SPOCK3: variants seen among roughly 807,000 people sequenced by gnomAD.
SPOCK3 encodes the protein SPARC (osteonectin), cwcv and kazal like domains proteoglycan 3.
A neutral mutation model predicts 56.6 loss-of-function variants in SPOCK3; 30 were observed. The observed-to-expected ratio is 0.53, with a 90% CI of 0.40 to 0.72. The LOEUF is 0.72. Ranked by LOEUF, SPOCK3 falls within the 30% of genes least tolerant of loss-of-function variation. The pLI is 0.00. For synonymous variants in SPOCK3, 196 were observed against 183.3 expected (o/e 1.07, Z -0.56); for missense variants, 527 against 530.0 (o/e 0.99, Z 0.06).
At chr4:166,998,881 C>T (rs1748666261) in intron 4 of SPOCK3, among the ~76,000 whole-genome samples, 1 of 152,066 alleles carries the variant, frequency 6.6e-6, no homozygotes, top group Non-Finnish European at 1.5e-5. Flanking sequence ...CCCCTATATA[C>T]ACACATTCAC....
chr4:166,989,844 A>C (rs1195459730), intron 4 of SPOCK3, among the ~76,000 whole-genome samples: 2 of 152,294 alleles, frequency 1.3e-5, no homozygotes, highest in African/African-American at 4.8e-5. Flanking sequence ...ATAATAGGCC[A>C]ATGAGGCTAT....
intron 3 of SPOCK3, among the ~76,000 whole-genome samples, chr4:167,044,499 C>A (rs982346802): frequency 5.3e-5 from 8 of 151,874 alleles, no homozygotes; most frequent in Non-Finnish European, 8.8e-5. Flanking sequence ...TTACTAAGAG[C>A]CTGTAAGACT....
chr4:167,188,842 T>C (rs1301431679), intron 2 of SPOCK3, among the ~76,000 whole-genome samples: 4 of 146,076 alleles, frequency 2.7e-5, no homozygotes, highest in African/African-American at 1.0e-4. Flanking sequence ...AATGCAACAG[T>C]TTAAATGAAA....
intron 2 of SPOCK3, among the ~76,000 whole-genome samples, chr4:167,208,564 C>A (rs1348488532): frequency 1.3e-5 from 2 of 152,072 alleles, no homozygotes; most frequent in Non-Finnish European, 2.9e-5. Context: ...ATCTTCAATT[C>A]TCATTCTAAT....
intron 6 of SPOCK3, among the ~76,000 whole-genome samples, chr4:166,818,061 T>A (rs1167605393): frequency 6.6e-6 from 1 of 152,098 alleles, no homozygotes; most frequent in Non-Finnish European, 1.5e-5. Flanking sequence ...TACACACTTA[T>A]CACTTTTGTC....
rs1757884034 is a variant in SPOCK3 at position 167,083,248 on chromosome 4, T to C, written c.190-20711A>G. On this transcript the variant is annotated intron_variant, in intron 2 of 10. Transcript: ENST00000357545. Reference sequence around the variant, plus strand: ...CAACCCAAAGCAAACCTCTACTTCCTCAGACTTTCCCTAAGATTCCTCCAA... The same window carrying C: ...CAACCCAAAGCAAACCTCTACTTCCCCAGACTTTCCCTAAGATTCCTCCAA... 7.8e-6 allele frequency: 6 copies of C among 765,254 alleles called. No homozygotes were observed. In the South Asian group the frequency reaches 8.0e-5, roughly 10 times the overall value. The allele number at this position is 765,254 out of a possible 1,614,324, so 47.4% of individuals were successfully genotyped here. A position where few individuals can be genotyped will look rare whatever the true frequency, so the allele number is the denominator to read the frequency against.
At chr4:166,974,914 T>A (rs1745778165) in intron 4 of SPOCK3, among the ~76,000 whole-genome samples, 1 of 152,208 alleles carries the variant, frequency 6.6e-6, no homozygotes, top group Admixed American at 6.5e-5. Flanking sequence ...TTTTCAGAAG[T>A]GATTAGGTCA....
At position 166,742,111 on chromosome 4, in the gene SPOCK3, G is replaced by T. The variant is rs1007162779; in HGVS notation, c.932-52C>A. ...CAAGGATTCTAGTTAAACAAAGAAA[G>T]TGTAATTTCTATGTTATCAAACTTC... On this transcript the variant is annotated intron_variant, in intron 8 of 10. Transcript: ENST00000357545. 7 of 1,314,962 alleles carry T rather than the reference G, an allele frequency of 5.3e-6. No homozygotes were observed. The African/African-American group carries it at 8.8e-5, about 16-fold the overall frequency. The allele number at this position is 1,314,962 out of a possible 1,614,324, so 81.5% of individuals were successfully genotyped here. A position where few individuals can be genotyped will look rare whatever the true frequency, so the allele number is the denominator to read the frequency against.
intron 2 of SPOCK3, among the ~76,000 whole-genome samples, chr4:167,117,198 T>C (rs569783008): frequency 3.9e-5 from 6 of 152,014 alleles, no homozygotes; most frequent in African/African-American, 1.4e-4. Context: ...CCCATAAATA[T>C]GTGAAACTAT....
At chr4:166,778,607 C>A (rs1027818329) in intron 7 of SPOCK3, among the ~76,000 whole-genome samples, 2 of 152,102 alleles carry the variant, frequency 1.3e-5, no homozygotes, top group African/African-American at 4.8e-5. Context: ...ACAGGTAAGA[C>A]AAAATTCCTC....
intron 2 of SPOCK3, among the ~76,000 whole-genome samples, chr4:167,109,232 ATATT>A (rs1343505557): frequency 2.3e-5 from 2 of 88,590 alleles, no homozygotes; most frequent in Non-Finnish European, 3.9e-5. Context: ...TATATAATAT[ATATT>A]TAATATTTAT....
At chr4:166,790,888 G>C (rs552298651) in intron 7 of SPOCK3, among the ~76,000 whole-genome samples, 1 of 152,130 alleles carries the variant, frequency 6.6e-6, no homozygotes, top group South Asian at 2.1e-4. Flanking sequence ...AATATGTAAG[G>C]GTATGGAAGA....
At chr4:167,153,735 A>C (rs1234817599) in intron 2 of SPOCK3, among the ~76,000 whole-genome samples, 1 of 152,208 alleles carries the variant, frequency 6.6e-6, no homozygotes. Flanking sequence ...AACACAGTGA[A>C]TACTGCACTA....
chr4:166,879,055 C>T (rs561863182), intron 6 of SPOCK3, among the ~76,000 whole-genome samples: 2 of 151,958 alleles, frequency 1.3e-5, no homozygotes, highest in South Asian at 4.2e-4. Flanking sequence ...AGAATCTTAA[C>T]CAAAATTTAG....
chr4:166,952,447 T>C (rs895058295), intron 4 of SPOCK3, among the ~76,000 whole-genome samples: 1 of 152,152 alleles, frequency 6.6e-6, no homozygotes, highest in African/African-American at 2.4e-5. Flanking sequence ...TACAAACGAA[T>C]GGAAGAACAT....
chr4:166,878,306 C>A (rs1579512692), intron 6 of SPOCK3, among the ~76,000 whole-genome samples: 1 of 151,958 alleles, frequency 6.6e-6, no homozygotes, highest in African/African-American at 2.4e-5. Context: ...AAGTTATAAA[C>A]AACACTTCTA....
At chr4:166,912,951 G>A (rs556189273) in intron 4 of SPOCK3, among the ~76,000 whole-genome samples, 29 of 152,020 alleles carry the variant, frequency 1.9e-4, no homozygotes, top group Non-Finnish European at 2.6e-4. Flanking sequence ...TGATAAAAAA[G>A]AATATGTTCC....
chr4:167,126,690 C>T (rs748046364), intron 2 of SPOCK3, among the ~76,000 whole-genome samples: 3 of 152,030 alleles, frequency 2.0e-5, no homozygotes, highest in Non-Finnish European at 4.4e-5. Context: ...CTGAGCTCAC[C>T]TAAGTGTGCC....
intron 6 of SPOCK3, among the ~76,000 whole-genome samples, chr4:166,847,995 C>G (rs1443228555): frequency 6.6e-6 from 1 of 151,968 alleles, no homozygotes; most frequent in Non-Finnish European, 1.5e-5. Flanking sequence ...TGGCTTGTAA[C>G]CCAAAATCAA....
Sources: allele counts gnomAD v4.1 joint callset (sites outside exome capture counted in the v4.1 genomes callset), GRCh38; gene constraint gnomAD v4.1.1; transcripts MANE v1.5; gene names NCBI Gene and HGNC (gene_info 2026-07-23, HGNC 2026-07-21).